The following KCNQ3 variants were observed in gnomAD, a reference collection of about 807,000 sequenced individuals.
The protein encoded by KCNQ3 is potassium voltage-gated channel subfamily KQT member 3.
KCNQ3 carries 30 observed loss-of-function variants against 92.5 expected under a neutral mutation model. That is an observed-to-expected ratio of 0.32 (90% CI 0.24 to 0.44). The LOEUF is 0.44. Ranked by LOEUF, KCNQ3 falls within the 20% of genes least tolerant of loss-of-function variation. KCNQ3 has a pLI of 1.00. For missense variants in KCNQ3, 913 were observed against 1,140.3 expected (o/e 0.80, Z 2.87); for synonymous variants, 450 against 468.8 (o/e 0.96, Z 0.52).
At chr8:132,399,072 C>G (rs1820268583) in intron 1 of KCNQ3, among the ~76,000 whole-genome samples, 1 of 152,182 alleles carries the variant, frequency 6.6e-6, no homozygotes, top group Non-Finnish European at 1.5e-5. Flanking sequence ...GAAGGCTTCT[C>G]CAGACCTTCA....
chr8:132,441,897 A>T (rs1482913984), intron 1 of KCNQ3, among the ~76,000 whole-genome samples: 1 of 152,040 alleles, frequency 6.6e-6, no homozygotes, highest in African/African-American at 2.4e-5. Context: ...ATGGAGCCAT[A>T]AAAAAAATGA....
intron 9 of KCNQ3, among the ~76,000 whole-genome samples, chr8:132,142,652 A>G (rs1398975135): frequency 2.6e-5 from 4 of 152,204 alleles, no homozygotes; most frequent in Non-Finnish European, 5.9e-5. Context: ...CTTGGCACAC[A>G]GGAGGCATTC....
intron 1 of KCNQ3, among the ~76,000 whole-genome samples, chr8:132,233,398 T>A (rs766808346): frequency 2.6e-5 from 4 of 152,332 alleles, no homozygotes; most frequent in Non-Finnish European, 5.9e-5. Context: ...AGTGCTGGTA[T>A]GAAAAATGCT....
At chr8:132,400,915 C>T (rs920571653) in intron 1 of KCNQ3, among the ~76,000 whole-genome samples, 1 of 152,188 alleles carries the variant, frequency 6.6e-6, no homozygotes, top group Non-Finnish European at 1.5e-5. Flanking sequence ...CACATCTGCC[C>T]AGAGGGAGCC....
At chr8:132,284,210 G>A (rs1185997175) in intron 1 of KCNQ3, among the ~76,000 whole-genome samples, 2 of 152,174 alleles carry the variant, frequency 1.3e-5, no homozygotes, top group African/African-American at 2.4e-5. Flanking sequence ...GCTTGAGAGT[G>A]TCTTTCTAAG....
chr8:132,248,625 C>A (rs1162492859), intron 1 of KCNQ3, among the ~76,000 whole-genome samples: 1 of 152,138 alleles, frequency 6.6e-6, no homozygotes, highest in African/African-American at 2.4e-5. Context: ...CTCCAATATC[C>A]TTTACTTGTC....
chr8:132,406,892 A>G (rs58863303), intron 1 of KCNQ3, among the ~76,000 whole-genome samples: 1,800 of 152,304 alleles, frequency 0.012, 29 homozygotes, highest in African/African-American at 0.037. Context: ...GGCCAAGACA[A>G]TTTCATGTGG....
chr8:132,348,893 G>A (rs1402295767), intron 1 of KCNQ3, among the ~76,000 whole-genome samples: 1 of 152,204 alleles, frequency 6.6e-6, no homozygotes, highest in Non-Finnish European at 1.5e-5. Context: ...CATACCATGT[G>A]CACACAAGAT....
chr8:132,284,231 T>C (rs1457039923), intron 1 of KCNQ3, among the ~76,000 whole-genome samples: 1 of 152,124 alleles, frequency 6.6e-6, no homozygotes, highest in African/African-American at 2.4e-5. Flanking sequence ...AAATTGACCC[T>C]GGGGCATGAG....
chr8:132,166,130 A>G (rs1486356934), intron 8 of KCNQ3, among the ~76,000 whole-genome samples: 2 of 152,218 alleles, frequency 1.3e-5, no homozygotes, highest in Non-Finnish European at 2.9e-5. Context: ...TAACAATTCC[A>G]GAGCTGTGCT....
intron 1 of KCNQ3, among the ~76,000 whole-genome samples, chr8:132,232,706 A>G (rs1330977934): frequency 6.6e-6 from 1 of 152,206 alleles, no homozygotes; most frequent in East Asian, 1.9e-4. Context: ...GTCAACCACT[A>G]TGACTCATTC....
intron 1 of KCNQ3, among the ~76,000 whole-genome samples, chr8:132,213,656 G>A (rs1813937468): frequency 6.6e-6 from 1 of 152,234 alleles, no homozygotes; most frequent in East Asian, 1.9e-4. Context: ...CAGGCTTAGA[G>A]GATGAGGAGA....
At chr8:132,166,548 T>C (rs1195207093) in intron 8 of KCNQ3, among the ~76,000 whole-genome samples, 3 of 152,204 alleles carry the variant, frequency 2.0e-5, no homozygotes, top group Non-Finnish European at 4.4e-5. Flanking sequence ...CAGCATGGTA[T>C]GTGGCCTGAA....
At chr8:132,360,407 T>A (rs180742953) in intron 1 of KCNQ3, among the ~76,000 whole-genome samples, 73 of 152,330 alleles carry the variant, frequency 4.8e-4, no homozygotes, top group African/African-American at 1.7e-3. Flanking sequence ...ACCCATCTCC[T>A]CTCACCAGAA....
intron 1 of KCNQ3, among the ~76,000 whole-genome samples, chr8:132,246,385 A>C (rs1173159756): frequency 6.6e-6 from 1 of 152,240 alleles, no homozygotes; most frequent in Non-Finnish European, 1.5e-5. Flanking sequence ...GTTAACAGAA[A>C]TAGGAGGTTT....
intron 6 of KCNQ3, among the ~76,000 whole-genome samples, chr8:132,173,937 G>C (rs905281963): frequency 4.6e-5 from 7 of 152,206 alleles, no homozygotes; most frequent in Non-Finnish European, 1.0e-4. Context: ...ATCTAGAAAT[G>C]TGTAATCCTA....
intron 1 of KCNQ3, among the ~76,000 whole-genome samples, chr8:132,419,660 A>G (rs1820912956): frequency 6.6e-6 from 1 of 152,220 alleles, no homozygotes; most frequent in African/African-American, 2.4e-5. Flanking sequence ...TTTTCTATGT[A>G]GCCAGTAGAT....
chr8:132,434,212 A>AC (rs1821329024), intron 1 of KCNQ3, among the ~76,000 whole-genome samples: 1 of 37,870 alleles, frequency 2.6e-5, no homozygotes, highest in South Asian at 5.6e-4. Flanking sequence ...CGTCTCAAAA[A>AC]AAAAAAAAAA....
At chr8:132,425,023 C>G (rs1312450476) in intron 1 of KCNQ3, among the ~76,000 whole-genome samples, 3 of 152,214 alleles carry the variant, frequency 2.0e-5, no homozygotes, top group Admixed American at 6.5e-5. Context: ...AGTCAACCCA[C>G]TATAATGAGT....
Sources: gnomAD v4.1 joint callset for allele counts (sites outside exome capture counted in the v4.1 genomes callset) on GRCh38, gnomAD v4.1.1 for gene constraint, MANE v1.5 for transcripts, NCBI Gene and HGNC (gene_info 2026-07-23, HGNC 2026-07-21) for gene names.